The following RYR1 variants were observed in gnomAD, a reference collection of about 807,000 sequenced individuals.
RYR1 encodes ryanodine receptor 1.
RYR1 carries 342 observed loss-of-function variants against 583.5 expected under a neutral mutation model. The observed-to-expected ratio is 0.59, with a 90% confidence interval of 0.54 to 0.64. RYR1 has a LOEUF of 0.64. Ranked by LOEUF, RYR1 falls within the 30% of genes least tolerant of loss-of-function variation. RYR1 has a pLI of 0.00. For synonymous variants in RYR1, 2,791 were observed against 2,822.5 expected (o/e 0.99, Z 0.35); for missense variants, 6,032 against 6,917.2 (o/e 0.87, Z 4.54).
Position 38,565,849 on chromosome 19 carries a change from A to T in RYR1, c.13437+78A>T. Reference sequence around the variant, plus strand: ...AGGAAGAGAGCCCGGCTGGGTGGAGACACACACAGAGGAGAGAACTGGCTA... The same window carrying T: ...AGGAAGAGAGCCCGGCTGGGTGGAGTCACACACAGAGGAGAGAACTGGCTA... On this transcript the variant is annotated intron_variant, in intron 91 of 105. Coordinates refer to ENST00000359596, the MANE Select transcript of RYR1 (RefSeq NM_000540.3). This position sits in a 1 kb window ranked among gnomAD's most constrained non-coding sequence, Gnocchi z 4.7. The T allele has an allele frequency of 7.5e-7, 1 of 1,335,804 alleles. No individual in the cohort carries two copies. Among genetic ancestry groups the T allele is most frequent in the Non-Finnish European group, 9.6e-7 (1 of 1,046,078 alleles). The allele number at this position is 1,335,804 out of a possible 1,614,324, so 82.7% of individuals were successfully genotyped here.
chr19:38,447,040 C>CA (rs970641040), intron 9 of RYR1, among the ~76,000 whole-genome samples: 26 of 150,552 alleles, frequency 1.7e-4, no homozygotes, highest in East Asian at 1.4e-3. Context: ...CCCGTCTCTG[C>CA]AAAAAAAATA....
intron 1 of RYR1, 42 bp downstream of exon 1, chr19:38,433,916 G>C: frequency 6.4e-7 from 1 of 1,573,066 alleles, no homozygotes; most frequent in Non-Finnish European, 8.8e-7. Flanking sequence ...CTATCTCTTG[G>C]GGCTCTCTGA....
intron 104 of RYR1, 37 bp downstream of exon 104, chr19:38,586,228 G>A (rs756629195): frequency 2.5e-6 from 4 of 1,583,156 alleles, no homozygotes; most frequent in Non-Finnish European, 1.7e-6. Context: ...AGGGTGGGGG[G>A]CATGGCTGCC....
chr19:38,582,266 G>A (rs776504390), intron 101 of RYR1, among the ~76,000 whole-genome samples: 13 of 152,000 alleles, frequency 8.6e-5, no homozygotes, highest in African/African-American at 2.7e-4. Flanking sequence ...GCATGGTGGC[G>A]CATGCCTGTA....
At chr19:38,562,004 C>T (rs1973168236) in intron 90 of RYR1, among the ~76,000 whole-genome samples, 1 of 152,132 alleles carries the variant, frequency 6.6e-6, no homozygotes, top group Admixed American at 6.6e-5. Context: ...CTTCTGAAGT[C>T]CTAGCATATG....
At chr19:38,567,986 C>G in intron 93 of RYR1, 69 bp downstream of exon 93, 2 of 1,553,038 alleles carry the variant, frequency 1.3e-6, no homozygotes, top group Non-Finnish European at 1.8e-6. Flanking sequence ...CCCACCTCTC[C>G]TGCTCACCTT....
chr19:38,561,381 G>T lies in RYR1; in HGVS notation c.12551G>T (p.Gly4184Val). The T allele has an allele frequency of 6.2e-7, 1 of 1,613,554 alleles. No homozygotes were observed. The change falls in exon 90 of 106, where the codon GGC becomes GTC. Residue 4184 changes from glycine (G) to valine (V), a missense_variant. This residue lies in a region of RYR1 where 753 missense variants were observed against 759.6 expected (regional missense o/e 0.99). Transcript: ENST00000359596. The surrounding 1 kb of genome is among the most constrained non-coding windows in gnomAD (Gnocchi z 4.8). The stretch of plus-strand genomic sequence containing the variant: ...TACCTGGGCCGCATCGAGATCATGG[G>T]CGCGTCACGCCGCATCGAGCGCATC... ...RPYLGRIEIM[G>V]ASRRIERIYF...
At chr19:38,502,419 G>T in intron 47 of RYR1, 88 bp from the exon 48 acceptor site, 1 of 1,278,232 alleles carries the variant, frequency 7.8e-7, no homozygotes, top group Non-Finnish European at 1.1e-6. Context: ...TCAGAAGCTT[G>T]GATCCTTTGG....
At chr19:38,522,208 G>C (rs115944417) in intron 67 of RYR1, among the ~76,000 whole-genome samples, 1 of 152,152 alleles carries the variant, frequency 6.6e-6, no homozygotes, top group East Asian at 1.9e-4. Context: ...TAATATGTAG[G>C]TTATATAATA....
At chr19:38,504,629 A>G (rs1970355823) in intron 50 of RYR1, 119 bp from the exon 51 acceptor site, 1 of 1,377,906 alleles carries the variant, frequency 7.3e-7, no homozygotes, top group Admixed American at 1.8e-5. Context: ...GAGAGGGACC[A>G]TAATTCAGGT....
At position 38,458,060 on chromosome 19, in the gene RYR1, C is replaced by T. The variant is rs753681666; in HGVS notation, c.1935C>T (p.Pro645=). The T allele has an allele frequency of 1.5e-5, 24 of 1,613,562 alleles. No homozygotes were observed. The Admixed American group carries it at 1.7e-4, about 11-fold the overall frequency. Reference sequence around the variant, plus strand: ...CCCATCTCTCCTGCAGCATCCGCCCCAACATCTTTGTGGGCCGAGCGGAAG... The same window carrying T: ...CCCATCTCTCCTGCAGCATCCGCCCTAACATCTTTGTGGGCCGAGCGGAAG... ...NLINYVTSIR[P]NIFVGRAEGT... is the part of the protein sequence containing the mutation. The change falls in exon 18 of 106, where the codon CCC becomes CCT. Residue 645 remains proline, a synonymous_variant. Coordinates refer to ENST00000359596, the MANE Select transcript of RYR1 (RefSeq NM_000540.3).
intron 9 of RYR1, among the ~76,000 whole-genome samples, chr19:38,447,735 G>A (rs1479523832): frequency 6.6e-6 from 1 of 151,712 alleles, no homozygotes; most frequent in South Asian, 2.1e-4. Context: ...CCAGCTTCTC[G>A]GGAGGCTGAG....
At position 38,507,745 on chromosome 19, in the gene RYR1, C is replaced by T. The variant is rs765217271; in HGVS notation, c.8850C>T (p.Ser2950=). ...AGGACATGGAACTGGACTCGTCTTC[C>T]ATTGAAAAGCGGTTTGCCTTTGGCT... ...GLKDMELDSS[S]IEKRFAFGFL... Residue 2950 remains serine (S), a synonymous_variant, in exon 58 of 106, where the codon TCC becomes TCT. Coordinates refer to ENST00000359596, the MANE Select transcript of RYR1 (RefSeq NM_000540.3). The T allele has an allele frequency of 1.9e-6, 3 of 1,613,604 alleles. No individual in the cohort carries two copies. The highest frequency in any genetic ancestry group is 4.5e-5 in the East Asian group (2 of 44,900).
chr19:38,510,401 A>C, intron 58 of RYR1, 97 bp from the exon 59 acceptor site: 1 of 1,219,672 alleles, frequency 8.2e-7, no homozygotes. Flanking sequence ...TTTATCCCCC[A>C]TCATTTCCCA....
rs886054377 is a variant in RYR1 at position 38,433,761 on chromosome 19, T to G, written c.-69T>G. The G allele has an allele frequency of 6.7e-4, 160 of 238,770 alleles. 5 individuals carry two copies. Among genetic ancestry groups the G allele is most frequent in the Non-Finnish European group, 6.7e-4 (89 of 133,074 alleles). 14.8% of individuals were successfully genotyped at this position (238,770 alleles called of 1,614,324 possible). Reference sequence around the variant, plus strand: ...TCCGACCCCAGCCCGCCCCCAGCCCTCCCGCCCAGCCCGCAGCCCCCTCCC... The same window carrying G: ...TCCGACCCCAGCCCGCCCCCAGCCCGCCCGCCCAGCCCGCAGCCCCCTCCC... On this transcript the variant is annotated 5_prime_UTR_variant, in exon 1 of 106. Coordinates refer to ENST00000359596, the MANE Select transcript of RYR1 (RefSeq NM_000540.3).
chr19:38,485,183 A>T (rs1428691236), intron 33 of RYR1, among the ~76,000 whole-genome samples: 2 of 152,140 alleles, frequency 1.3e-5, no homozygotes, highest in Non-Finnish European at 2.9e-5. Context: ...TGGAAACATC[A>T]GATGTTCTAC....
At chr19:38,564,295 G>A (rs1417746708) in intron 90 of RYR1, among the ~76,000 whole-genome samples, 4 of 152,034 alleles carry the variant, frequency 2.6e-5, no homozygotes, top group South Asian at 2.1e-4. Flanking sequence ...AGGGTGAGGC[G>A]GGCAGATCAC....
intron 27 of RYR1, among the ~76,000 whole-genome samples, chr19:38,473,105 T>C (rs1486709444): frequency 6.6e-6 from 1 of 151,864 alleles, no homozygotes; most frequent in East Asian, 1.9e-4. Flanking sequence ...TAGGGAGGTT[T>C]TGGAAGTTAC....
chr19:38,570,543 G>T lies in RYR1; in HGVS notation c.13660-64G>T. On this transcript the variant is annotated intron_variant, in intron 93 of 105. Transcript: ENST00000359596. ...TACTTTGATTGCAGGTAAATGATGG[G>T]ATGAATTCTCCAGGGAAGAGGCTGA... 4 of 1,234,214 alleles carry T rather than the reference G, an allele frequency of 3.2e-6. No individual in the cohort carries two copies. The South Asian group carries it at 4.8e-5, about 15-fold the overall frequency. 76.5% of individuals were successfully genotyped at this position (1,234,214 alleles called of 1,614,324 possible).
Sources: gnomAD v4.1 joint callset for allele counts (sites outside exome capture counted in the v4.1 genomes callset) on GRCh38, gnomAD v4.1.1 for gene constraint, gnomAD v4.1.1 regional missense constraint, Gnocchi (gnomAD v3.1) non-coding constraint, MANE v1.5 for transcripts, NCBI Gene and HGNC (gene_info 2026-07-23, HGNC 2026-07-21) for gene names.